CCDC62: variants seen among roughly 807,000 people sequenced by gnomAD.
The protein encoded by CCDC62 is coiled-coil domain-containing protein 62.
A neutral mutation model predicts 80.8 loss-of-function variants in CCDC62; 72 were observed. That is an observed-to-expected ratio of 0.89 (90% CI 0.74 to 1.08). CCDC62 has a LOEUF of 1.08. Ranked by LOEUF, CCDC62 falls within the 50% of genes least tolerant of loss-of-function variation. The pLI is 0.00. For missense variants in CCDC62, 704 were observed against 809.4 expected, an observed-to-expected ratio of 0.87 and a Z score of 1.58; for synonymous variants, 286 against 296.5, an observed-to-expected ratio of 0.96 and a Z score of 0.36.
chr12:122,788,101 C>T (rs1033516300), intron 4 of CCDC62, among the ~76,000 whole-genome samples: 2 of 152,166 alleles, frequency 1.3e-5, no homozygotes, highest in African/African-American at 4.8e-5. Flanking sequence ...GTTTAGACTT[C>T]AGTAGGGGTA....
At chr12:122,808,791 TG>T (rs2031735597) in intron 10 of CCDC62, among the ~76,000 whole-genome samples, 2 of 152,324 alleles carry the variant, frequency 1.3e-5, no homozygotes, top group African/African-American at 2.4e-5. Context: ...CCTCCCAAAG[TG>T]CTGGGGTATA....
intron 4 of CCDC62, among the ~76,000 whole-genome samples, chr12:122,787,473 C>G (rs1181456980): frequency 6.9e-6 from 1 of 145,216 alleles, no homozygotes; most frequent in Non-Finnish European, 1.5e-5. Context: ...AAAAGAAGGT[C>G]GGTCGTGGTG....
At chr12:122,814,072 A>G (rs12369236) in intron 11 of CCDC62, among the ~76,000 whole-genome samples, 127,202 of 151,010 alleles carry the variant, frequency 0.84, 54,821 homozygotes, top group East Asian at 0.99. Flanking sequence ...ACCTGAGGTC[A>G]GGAGTTCAAG....
intron 11 of CCDC62, among the ~76,000 whole-genome samples, chr12:122,820,798 G>A (rs959165682): frequency 1.4e-5 from 2 of 146,358 alleles, no homozygotes; most frequent in East Asian, 2.0e-4. Context: ...CCGAGATCAC[G>A]CCACTGCACT....
intron 11 of CCDC62, among the ~76,000 whole-genome samples, chr12:122,815,573 A>C (rs1475032510): frequency 6.6e-6 from 1 of 151,980 alleles, no homozygotes; most frequent in Admixed American, 6.6e-5. Context: ...CAGCCTCCCG[A>C]GTAGCTGGGA....
At chr12:122,797,218 A>T in intron 6 of CCDC62, 89 bp from the exon 7 acceptor site, 1 of 692,808 alleles carries the variant, frequency 1.4e-6, no homozygotes, top group Non-Finnish European at 2.6e-6. Flanking sequence ...AACAACAAAA[A>T]TGTTAGCTGA....
At chr12:122,778,469 G>A (rs1156889210) in intron 2 of CCDC62, among the ~76,000 whole-genome samples, 1 of 151,796 alleles carries the variant, frequency 6.6e-6, no homozygotes, top group African/African-American at 2.4e-5. Flanking sequence ...ATGTTCCATT[G>A]ACTCTAGATT....
intron 11 of CCDC62, among the ~76,000 whole-genome samples, chr12:122,823,141 G>C (rs912333337): frequency 6.6e-6 from 1 of 152,024 alleles, no homozygotes; most frequent in Non-Finnish European, 1.5e-5. Context: ...TTGTATTTTT[G>C]GTAGAGATGG....
intron 3 of CCDC62, among the ~76,000 whole-genome samples, chr12:122,782,010 C>A (rs1321139439): frequency 6.7e-6 from 1 of 150,148 alleles, no homozygotes; most frequent in Non-Finnish European, 1.5e-5. Flanking sequence ...TGCCACTACA[C>A]CCCAGCCTGG....
intron 7 of CCDC62, among the ~76,000 whole-genome samples, chr12:122,797,880 GT>G (rs1018411332): frequency 9.2e-5 from 14 of 152,124 alleles, no homozygotes; most frequent in African/African-American, 3.1e-4. Context: ...CTTGCTTGTG[GT>G]GATCAAAGGC....
In CCDC62 at chr12:122,806,265, C is replaced by T. The variant is rs1385570606; in HGVS notation, c.1821C>T (p.Ile607=). The part of the protein sequence containing the change: ...NKKNSPTSLL[I]YKDAPAFNEK... ...AGAACTCACCTACGAGTTTGTTAAT[C>T]TACAAAGATGCACCAGCATTCAATG... is the stretch of plus-strand genomic sequence containing the variant. The change falls in exon 10 of 13, where the codon ATC becomes ATT. Residue 607 remains isoleucine (I), a synonymous_variant. Coordinates refer to ENST00000253079, the MANE Select transcript of CCDC62 (RefSeq NM_201435.5). The T allele has an allele frequency of 9.3e-6, 15 of 1,612,720 alleles. No homozygotes were observed. Among genetic ancestry groups the T allele is most frequent in the Non-Finnish European group, 1.3e-5 (15 of 1,179,114 alleles).
At position 122,777,649 on chromosome 12, in the gene CCDC62, G is replaced by T; in HGVS notation, c.195G>T (p.Val65=). 6.2e-7 allele frequency: 1 copy of T among 1,614,138 alleles called. No individual in the cohort carries two copies. The highest frequency in any genetic ancestry group is 8.5e-7 in the Non-Finnish European group (1 of 1,180,006). The change falls in exon 2 of 13, where the codon GTG becomes GTT. Residue 65 remains valine, a synonymous_variant. Coordinates refer to ENST00000253079, the MANE Select transcript of CCDC62 (RefSeq NM_201435.5). The stretch of plus-strand genomic sequence containing the variant: ...CATGGGAAGAGGATCGGCAGAAAGT[G>T]TTGACACTGGAAGAACGTTGCAGCA... The part of the protein sequence containing the change: ...LLSWEEDRQK[V]LTLEERCSKL...
chr12:122,792,986 C>T lies in CCDC62; in HGVS notation c.772+865C>T, dbSNP rs78527401. 3.2e-3 allele frequency among the ~76,000 whole-genome samples: 492 copies of T among 152,240 alleles called. 5 individuals carry two copies. Among genetic ancestry groups the T allele is most frequent in the African/African-American group, 0.011 (466 of 41,546 alleles). ...TCTTACTAAAAACATAACATAGATGCTCCTTGACTTACAGGGTTACATTCT... is the reference window on the plus strand; with the variant it reads ...TCTTACTAAAAACATAACATAGATGTTCCTTGACTTACAGGGTTACATTCT... On this transcript the variant is annotated intron_variant, in intron 6 of 12. Transcript: ENST00000253079.
intron 10 of CCDC62, among the ~76,000 whole-genome samples, chr12:122,809,698 C>T (rs1005568717): frequency 1.3e-5 from 2 of 152,230 alleles, no homozygotes; most frequent in Non-Finnish European, 2.9e-5. Flanking sequence ...CAAAAAAGAG[C>T]TCGCATTGTC....
chr12:122,823,484 C>T lies in CCDC62; in HGVS notation c.*40+25C>T, dbSNP rs534799334. 9.4e-6 allele frequency: 10 copies of T among 1,060,718 alleles called. No homozygotes were observed. In the Admixed American group the frequency reaches 1.5e-4, roughly 15 times the overall value. 65.7% of individuals were successfully genotyped at this position (1,060,718 alleles called of 1,614,324 possible). A position where few individuals can be genotyped will look rare whatever the true frequency, so the allele number is the denominator to read the frequency against. On this transcript the variant is annotated intron_variant, in intron 12 of 12. Coordinates refer to ENST00000253079, the MANE Select transcript of CCDC62 (RefSeq NM_201435.5). ...AGTAAGTCACCTTTGCTTATCTCAC[C>T]TTATATCTCAATTAATATTTAATAA... is the stretch of plus-strand genomic sequence containing the variant.
chr12:122,806,254 A>G lies in CCDC62; in HGVS notation c.1810A>G (p.Ser604Gly). 2 of 1,613,362 alleles carry G rather than the reference A, an allele frequency of 1.2e-6. No individual in the cohort carries two copies. The highest frequency in any genetic ancestry group is 1.7e-6 in the Non-Finnish European group (2 of 1,179,590). ...SSSNKKNSPT[S>G]LLIYKDAPAF... is the part of the protein sequence containing the mutation. ...TTCCAATAAAAAGAACTCACCTACG[A>G]GTTTGTTAATCTACAAAGATGCACC... The change falls in exon 10 of 13, where the codon AGT becomes GGT. Residue 604 changes from serine to glycine, a missense_variant. Transcript: ENST00000253079.
At chr12:122,790,978 C>T (rs2030564233) in intron 5 of CCDC62, among the ~76,000 whole-genome samples, 1 of 152,224 alleles carries the variant, frequency 6.6e-6, no homozygotes, top group South Asian at 2.1e-4. Flanking sequence ...CACAGACATA[C>T]TCAAGGAACA....
At chr12:122,813,165 T>G in intron 10 of CCDC62, 105 bp from the exon 11 acceptor site, 1 of 1,239,452 alleles carries the variant, frequency 8.1e-7, no homozygotes, top group Admixed American at 2.3e-5. Flanking sequence ...CACTTCAGCC[T>G]GGGCGTCAGA....
intron 3 of CCDC62, among the ~76,000 whole-genome samples, chr12:122,785,099 A>G (rs1482692445): frequency 1.3e-5 from 2 of 152,004 alleles, no homozygotes; most frequent in African/African-American, 4.8e-5. Flanking sequence ...AGGTCATCCC[A>G]CCACTGCACT....
Sources: allele counts gnomAD v4.1 joint callset (sites outside exome capture counted in the v4.1 genomes callset), GRCh38; gene constraint gnomAD v4.1.1; transcripts MANE v1.5; gene names NCBI Gene and HGNC (gene_info 2026-07-23, HGNC 2026-07-21).